The following BMP6 variants were observed in gnomAD, a reference collection of about 807,000 sequenced individuals.
BMP6 encodes VG-1-R.
In BMP6, 17 loss-of-function variants were observed where a neutral mutation model predicts 54.1. The observed-to-expected ratio is 0.31, with a 90% confidence interval of 0.22 to 0.47. The LOEUF is 0.47. BMP6 is among the 20% of genes least tolerant of loss of function. The pLI, the probability that BMP6 is intolerant of heterozygous loss-of-function variation, is 1.00. For synonymous variants in BMP6, 328 were observed against 291.2 expected (o/e 1.13, Z -1.28); for missense variants, 720 against 690.4 (o/e 1.04, Z -0.48).
intron 1 of BMP6, among the ~76,000 whole-genome samples, chr6:7,840,907 T>C (rs772888806): frequency 6.6e-6 from 1 of 152,152 alleles, no homozygotes; most frequent in Non-Finnish European, 1.5e-5. Flanking sequence ...TTTCACAGAA[T>C]GCCTCACTCG....
chr6:7,872,645 C>T (rs1202429662), intron 4 of BMP6, among the ~76,000 whole-genome samples: 2 of 152,202 alleles, frequency 1.3e-5, no homozygotes. Context: ...AAACCCAGAA[C>T]TGCTGGTGAA....
chr6:7,816,174 C>A (rs1480260811), intron 1 of BMP6, among the ~76,000 whole-genome samples: 5 of 152,146 alleles, frequency 3.3e-5, no homozygotes, highest in African/African-American at 4.8e-5. Context: ...GTACTTACAC[C>A]ATTGTTCAGC....
intron 1 of BMP6, among the ~76,000 whole-genome samples, chr6:7,743,914 T>C (rs1251340825): frequency 1.3e-5 from 2 of 152,256 alleles, no homozygotes. Flanking sequence ...TTCCTTCATG[T>C]TGATTTCTAC....
At chr6:7,767,013 G>A (rs1236344614) in intron 1 of BMP6, among the ~76,000 whole-genome samples, 1 of 145,074 alleles carries the variant, frequency 6.9e-6, no homozygotes, top group East Asian at 2.0e-4. Flanking sequence ...TTGAGACGGA[G>A]TCTCGCTCTG....
chr6:7,821,249 G>T (rs1435500846), intron 1 of BMP6, among the ~76,000 whole-genome samples: 1 of 152,174 alleles, frequency 6.6e-6, no homozygotes, highest in Non-Finnish European at 1.5e-5. Flanking sequence ...GGGGATTGGG[G>T]CCCTAAAGGA....
intron 1 of BMP6, among the ~76,000 whole-genome samples, chr6:7,810,009 G>A (rs578187840): frequency 1.3e-5 from 2 of 152,312 alleles, no homozygotes; most frequent in Admixed American, 6.5e-5. Context: ...GCTAGAGAAT[G>A]TTAGCTCAAA....
chr6:7,835,209 G>A (rs1249900443), intron 1 of BMP6, among the ~76,000 whole-genome samples: 8 of 152,254 alleles, frequency 5.3e-5, no homozygotes, highest in Admixed American at 3.9e-4. Flanking sequence ...TGCCAGCTCC[G>A]CCTCCCGGGT....
chr6:7,750,629 T>C (rs1157774436), intron 1 of BMP6, among the ~76,000 whole-genome samples: 1 of 152,216 alleles, frequency 6.6e-6, no homozygotes. Flanking sequence ...TCTTGAGATT[T>C]TTCCAGCTGG....
intron 1 of BMP6, among the ~76,000 whole-genome samples, chr6:7,832,695 A>G (rs534398792): frequency 6.7e-6 from 1 of 150,234 alleles, no homozygotes; most frequent in Non-Finnish European, 1.5e-5. Context: ...AATTAGATAT[A>G]AGAACACTGA....
intron 1 of BMP6, among the ~76,000 whole-genome samples, chr6:7,763,931 G>T (rs1757648891): frequency 6.6e-6 from 1 of 152,158 alleles, no homozygotes; most frequent in Admixed American, 6.5e-5. Context: ...AATGCCAAAA[G>T]AAAAACTCCG....
intron 1 of BMP6, among the ~76,000 whole-genome samples, chr6:7,795,172 C>T (rs1056845459): frequency 1.3e-5 from 2 of 152,174 alleles, no homozygotes; most frequent in African/African-American, 2.4e-5. Flanking sequence ...GCATAGTCCC[C>T]ATGTCTGTAA....
In BMP6 at chr6:7,758,155, C is replaced by T. The variant is rs891899546; in HGVS notation, c.664+30536C>T. ...GATGCCAATCAAACATAACATTTTC[C>T]GCAAACGTTTTGCATATTGCCTTAT... On this transcript the variant is annotated intron_variant, in intron 1 of 6. Coordinates refer to ENST00000283147, the MANE Select transcript of BMP6 (RefSeq NM_001718.6). 7.2e-5 allele frequency among the ~76,000 whole-genome samples: 11 copies of T among 152,188 alleles called. No homozygotes were observed. The East Asian group carries it at 9.6e-4, about 13-fold the overall frequency.
intron 1 of BMP6, among the ~76,000 whole-genome samples, chr6:7,765,368 G>A (rs1458689993): frequency 1.3e-5 from 2 of 152,156 alleles, no homozygotes; most frequent in Non-Finnish European, 2.9e-5. Flanking sequence ...TCTAATAATT[G>A]GACCAACTCA....
chr6:7,786,788 G>A (rs938610169), intron 1 of BMP6, among the ~76,000 whole-genome samples: 2 of 152,094 alleles, frequency 1.3e-5, no homozygotes, highest in African/African-American at 4.8e-5. Flanking sequence ...AGGTAGAAAA[G>A]CCCCATGCAG....
rs62389986 is a variant in BMP6, at chr6:7,737,633, C to T, written c.664+10014C>T. Among the ~76,000 whole-genome samples the T allele has an allele frequency of 3.3e-5, 5 of 151,872 alleles. No homozygotes were observed. In the East Asian group the frequency reaches 5.8e-4, roughly 18 times the overall value. The stretch of plus-strand genomic sequence containing the variant: ...TTAGAGTCCCTTTCTGTCTTGCTTT[C>T]CCTTTTTTTTTTTCTCTTCTTTTCC... On this transcript the variant is annotated intron_variant, in intron 1 of 6. Transcript: ENST00000283147.
intron 1 of BMP6, among the ~76,000 whole-genome samples, chr6:7,777,755 G>A (rs1268331467): frequency 6.6e-6 from 1 of 151,350 alleles, no homozygotes; most frequent in Non-Finnish European, 1.5e-5. Flanking sequence ...TACCAAATTA[G>A]TCCTCTGCAC....
intron 1 of BMP6, among the ~76,000 whole-genome samples, chr6:7,830,622 T>G (rs1758778852): frequency 6.6e-6 from 1 of 152,088 alleles, no homozygotes; most frequent in Non-Finnish European, 1.5e-5. Context: ...GCTGGATAAT[T>G]TACAAAGAAA....
At chr6:7,767,321 A>G (rs532121407) in intron 1 of BMP6, among the ~76,000 whole-genome samples, 1 of 152,300 alleles carries the variant, frequency 6.6e-6, no homozygotes, top group South Asian at 2.1e-4. Flanking sequence ...TGCTTTTTAT[A>G]AAAGATAGCA....
At chr6:7,791,155 A>G (rs973410501) in intron 1 of BMP6, among the ~76,000 whole-genome samples, 2 of 152,174 alleles carry the variant, frequency 1.3e-5, no homozygotes, top group African/African-American at 4.8e-5. Context: ...GGGCATGGTC[A>G]CTTGTATGAG....
Sources: allele counts gnomAD v4.1 joint callset (sites outside exome capture counted in the v4.1 genomes callset), GRCh38; gene constraint gnomAD v4.1.1; transcripts MANE v1.5; gene names NCBI Gene and HGNC (gene_info 2026-07-23, HGNC 2026-07-21).